The following ATP9A variants were observed in gnomAD, a reference collection of about 807,000 sequenced individuals.
ATP9A encodes probable phospholipid-transporting ATPase IIA.
Under a neutral mutation model 144.1 loss-of-function variants are expected in ATP9A, and 52 were observed. That is an observed-to-expected ratio of 0.36 (90% CI 0.29 to 0.45). The LOEUF (loss-of-function observed/expected upper bound fraction) is 0.45. Among genes scored for constraint, ATP9A ranks in the 20% least tolerant of loss-of-function variants. The probability of loss-of-function intolerance (pLI) is 1.00; values close to 1 mark genes in which losing one functional copy is unlikely to be tolerated. For missense variants in ATP9A, 947 were observed against 1,392.7 expected (o/e 0.68, Z 5.09); for synonymous variants, 582 against 557.4 (o/e 1.04, Z -0.62).
At chr20:51,752,362 A>C (rs1179343787) in intron 1 of ATP9A, among the ~76,000 whole-genome samples, 2 of 152,240 alleles carry the variant, frequency 1.3e-5, no homozygotes. Context: ...TTCTTACAAG[A>C]AAAACTACTG....
At chr20:51,627,268 G>A (rs566339300) in intron 17 of ATP9A, among the ~76,000 whole-genome samples, 3 of 152,246 alleles carry the variant, frequency 2.0e-5, no homozygotes, top group Admixed American at 6.5e-5. Context: ...GGTAGCACGC[G>A]ATGACAGTGA....
At chr20:51,727,473 C>A (rs2077719835) in intron 2 of ATP9A, among the ~76,000 whole-genome samples, 1 of 151,938 alleles carries the variant, frequency 6.6e-6, no homozygotes, top group South Asian at 2.1e-4. Context: ...GTAGTCCCAG[C>A]TACTCAGGAG....
chr20:51,632,072 TTTTC>T (rs1023689929), intron 15 of ATP9A, among the ~76,000 whole-genome samples: 8 of 152,302 alleles, frequency 5.3e-5, no homozygotes, highest in South Asian at 2.1e-4. Flanking sequence ...TCTTTTTTCT[TTTTC>T]TTTATTTTTT....
chr20:51,651,884 A>T (rs2077368219), intron 14 of ATP9A, among the ~76,000 whole-genome samples: 1 of 152,162 alleles, frequency 6.6e-6, no homozygotes, highest in South Asian at 2.1e-4. Context: ...AGCCAAGATC[A>T]CACCACTGGG....
intron 1 of ATP9A, among the ~76,000 whole-genome samples, chr20:51,751,107 G>A (rs181502328): frequency 1.3e-5 from 2 of 152,216 alleles, no homozygotes; most frequent in East Asian, 3.9e-4. Flanking sequence ...CTTTTTCTCT[G>A]CAGATGAGGA....
chr20:51,612,171 G>A (rs1051706494), intron 23 of ATP9A, among the ~76,000 whole-genome samples: 1 of 106,010 alleles, frequency 9.4e-6, no homozygotes, highest in African/African-American at 4.2e-5. Flanking sequence ...TTTTCCAGGT[G>A]GGAAGACCGA....
rs774614153 is a variant in ATP9A, at chr20:51,653,109, C to CAA, written c.1506+3827_1506+3828dup. On this transcript the variant is annotated intron_variant, in intron 14 of 27. Transcript: ENST00000338821. ...TGGGTGACAGAGCAAGACTCCGTCT[C>CAA]AAAAAAAAAAACAACCACAGCAAAA... Among the ~76,000 whole-genome samples the CAA allele has an allele frequency of 9.2e-3, 702 of 76,614 alleles. 4 individuals are homozygous for CAA. Among genetic ancestry groups the CAA allele is most frequent in the African/African-American group, 0.026 (649 of 25,198 alleles). 50.3% of individuals were successfully genotyped at this position (76,614 alleles called of 152,430 possible).
intron 4 of ATP9A, among the ~76,000 whole-genome samples, chr20:51,707,987 C>T (rs989544077): frequency 7.2e-5 from 11 of 152,054 alleles, no homozygotes; most frequent in Admixed American, 7.2e-4. Context: ...CTCAGCCTCC[C>T]AAAGTGCTGG....
chr20:51,647,452 G>A (rs1225084205), intron 14 of ATP9A, among the ~76,000 whole-genome samples: 1 of 151,600 alleles, frequency 6.6e-6, no homozygotes, highest in Non-Finnish European at 1.5e-5. Context: ...TCGGGAGGCT[G>A]AGGCAGGAGA....
At chr20:51,736,146 G>C (rs1366804814) in intron 1 of ATP9A, among the ~76,000 whole-genome samples, 1 of 152,252 alleles carries the variant, frequency 6.6e-6, no homozygotes, top group East Asian at 1.9e-4. Context: ...CACAGGCAAA[G>C]ATCCGGAGGT....
At chr20:51,738,871 T>C (rs1015044647) in intron 1 of ATP9A, among the ~76,000 whole-genome samples, 3 of 152,068 alleles carry the variant, frequency 2.0e-5, no homozygotes, top group Admixed American at 1.3e-4. Flanking sequence ...TCACTTGAGG[T>C]AGGAGTTCGA....
intron 24 of ATP9A, among the ~76,000 whole-genome samples, chr20:51,609,597 A>C (rs2077177363): frequency 6.6e-6 from 1 of 152,180 alleles, no homozygotes; most frequent in African/African-American, 2.4e-5. Context: ...CAAAGGCCCA[A>C]GTGACACCAT....
intron 1 of ATP9A, among the ~76,000 whole-genome samples, chr20:51,753,752 C>T (rs1191347598): frequency 2.7e-5 from 4 of 150,894 alleles, no homozygotes; most frequent in South Asian, 2.1e-4. Flanking sequence ...CTGCAACCTC[C>T]GCCTCCCAGG....
chr20:51,698,044 C>T (rs1282237300), intron 4 of ATP9A, among the ~76,000 whole-genome samples: 1 of 152,194 alleles, frequency 6.6e-6, no homozygotes, highest in Non-Finnish European at 1.5e-5. Context: ...TTGAAGGTTT[C>T]ATTTAATCTT....
At chr20:51,685,430 C>T (rs2077518989) in intron 9 of ATP9A, among the ~76,000 whole-genome samples, 1 of 151,882 alleles carries the variant, frequency 6.6e-6, no homozygotes, top group East Asian at 1.9e-4. Context: ...GGCGTGTTGG[C>T]GGGCCCCTAT....
At chr20:51,767,630 C>T (rs2077910979) in intron 1 of ATP9A, among the ~76,000 whole-genome samples, 1 of 152,206 alleles carries the variant, frequency 6.6e-6, no homozygotes, top group African/African-American at 2.4e-5. Context: ...AGCCCCTGTC[C>T]CAGCCGTGGG....
At chr20:51,689,174 C>A (rs766861598) in intron 8 of ATP9A, 35 bp from the exon 9 acceptor site, 4 of 1,599,896 alleles carry the variant, frequency 2.5e-6, no homozygotes, top group Non-Finnish European at 3.4e-6. Context: ...GTTCACCCCC[C>A]AAAGCTTCCC....
At chr20:51,684,159 T>C (rs902998329) in intron 9 of ATP9A, among the ~76,000 whole-genome samples, 1 of 152,002 alleles carries the variant, frequency 6.6e-6, no homozygotes, top group Non-Finnish European at 1.5e-5. Flanking sequence ...CACAACAACC[T>C]GGGTGACAGA....
intron 4 of ATP9A, among the ~76,000 whole-genome samples, chr20:51,707,648 G>A (rs1174775091): frequency 3.9e-5 from 6 of 152,148 alleles, no homozygotes; most frequent in Non-Finnish European, 7.3e-5. Context: ...TCCTGGGAAC[G>A]ATGCTCAGAA....
Sources: allele counts gnomAD v4.1 joint callset (sites outside exome capture counted in the v4.1 genomes callset), GRCh38; gene constraint gnomAD v4.1.1; transcripts MANE v1.5; gene names NCBI Gene and HGNC (gene_info 2026-07-23, HGNC 2026-07-21).